The following PARD3 variants were observed in gnomAD, a reference collection of about 807,000 sequenced individuals.
PARD3 encodes partitioning defective 3 homolog.
A neutral mutation model predicts 155.4 loss-of-function variants in PARD3; 75 were observed. The observed-to-expected ratio is 0.48, with a 90% CI of 0.40 to 0.58. The LOEUF (loss-of-function observed/expected upper bound fraction) is 0.58, where lower values mean the gene tolerates loss of function less well. Ranked by LOEUF, PARD3 falls within the 20% of genes least tolerant of loss-of-function variation. The probability of loss-of-function intolerance (pLI) is 0.00; values close to 1 mark genes in which losing one functional copy is unlikely to be tolerated. For synonymous variants in PARD3, 576 were observed against 610.5 expected, an observed-to-expected ratio of 0.94 and a Z score of 0.83; for missense variants, 1,642 against 1,721.7, an observed-to-expected ratio of 0.95 and a Z score of 0.82.
intron 2 of PARD3, among the ~76,000 whole-genome samples, chr10:34,624,919 G>A (rs1027628013): frequency 1.3e-5 from 2 of 152,218 alleles, no homozygotes; most frequent in South Asian, 2.1e-4. Flanking sequence ...CAGGCCAGGG[G>A]TATGGGTCAC....
At chr10:34,299,128 TG>T (rs1957041165) in intron 20 of PARD3, among the ~76,000 whole-genome samples, 2 of 152,226 alleles carry the variant, frequency 1.3e-5, no homozygotes, top group Admixed American at 1.3e-4. Flanking sequence ...TTTGTCAGGA[TG>T]GCACCCTCAA....
intron 3 of PARD3, among the ~76,000 whole-genome samples, chr10:34,483,934 C>T (rs554679425): frequency 5.0e-4 from 76 of 152,238 alleles, no homozygotes; most frequent in Non-Finnish European, 8.7e-4. Context: ...ATTAAACTCA[C>T]GGCTAACAGG....
chr10:34,188,415 T>C (rs1412985358), intron 22 of PARD3, among the ~76,000 whole-genome samples: 1 of 152,118 alleles, frequency 6.6e-6, no homozygotes, highest in Non-Finnish European at 1.5e-5. Context: ...AAACAAACGT[T>C]TTTTACTTAT....
chr10:34,814,284 C>G (rs1055157111), intron 1 of PARD3, among the ~76,000 whole-genome samples: 37 of 152,176 alleles, frequency 2.4e-4, no homozygotes, highest in African/African-American at 8.9e-4. Flanking sequence ...CTGCAGCCCC[C>G]GGACGCGACG....
At chr10:34,372,627 G>A in intron 11 of PARD3, 91 bp from the exon 12 acceptor site, 3 of 943,208 alleles carry the variant, frequency 3.2e-6, no homozygotes, top group Non-Finnish European at 5.1e-6. Context: ...AGAAAATTTT[G>A]TTGATTCTTA....
chr10:34,803,176 T>C (rs1351020950), intron 1 of PARD3, among the ~76,000 whole-genome samples: 1 of 151,140 alleles, frequency 6.6e-6, no homozygotes, highest in African/African-American at 2.4e-5. Context: ...GAGACGGACG[T>C]TGCAGTGAGC....
At chr10:34,632,278 T>C (rs963060779) in intron 2 of PARD3, among the ~76,000 whole-genome samples, 2 of 152,166 alleles carry the variant, frequency 1.3e-5, no homozygotes, top group African/African-American at 4.8e-5. Flanking sequence ...ACCTCAGCAG[T>C]GGACTCCCTG....
At chr10:34,654,484 T>C (rs2093110142) in intron 2 of PARD3, among the ~76,000 whole-genome samples, 1 of 152,218 alleles carries the variant, frequency 6.6e-6, no homozygotes. Flanking sequence ...ACTGCCTGCC[T>C]TTCTATGGAA....
At chr10:34,768,343 G>GAAAGGCAGGATAACTCGAAGC (rs1564599274) in intron 1 of PARD3, among the ~76,000 whole-genome samples, 11 of 88,504 alleles carry the variant, frequency 1.2e-4, no homozygotes, top group African/African-American at 4.9e-4. Flanking sequence ...GTTCCATCTG[G>GAAAGGCAGGATAACTCGAAGC]AAAGGCGGGA....
intron 1 of PARD3, among the ~76,000 whole-genome samples, chr10:34,775,536 T>C (rs1289745576): frequency 6.6e-6 from 1 of 151,860 alleles, no homozygotes; most frequent in Non-Finnish European, 1.5e-5. Flanking sequence ...AAAGGACAAG[T>C]CTCCTTACAG....
At chr10:34,782,780 G>A (rs1292602637) in intron 1 of PARD3, among the ~76,000 whole-genome samples, 1 of 150,968 alleles carries the variant, frequency 6.6e-6, no homozygotes, top group Non-Finnish European at 1.5e-5. Flanking sequence ...AGGCTAGAGT[G>A]TAGTGGCGTG....
chr10:34,113,695 G>A (rs1946516496), intron 24 of PARD3, among the ~76,000 whole-genome samples: 1 of 152,150 alleles, frequency 6.6e-6, no homozygotes, highest in African/African-American at 2.4e-5. Flanking sequence ...AGCTGGGCAA[G>A]GTGGGAGTGG....
At chr10:34,416,664 T>C (rs1020642836) in intron 5 of PARD3, among the ~76,000 whole-genome samples, 3 of 152,180 alleles carry the variant, frequency 2.0e-5, no homozygotes, top group South Asian at 2.1e-4. Context: ...AATGAAAACC[T>C]AGCCAGACAC....
intron 20 of PARD3, among the ~76,000 whole-genome samples, chr10:34,307,504 G>A (rs189266004): frequency 1.3e-5 from 2 of 152,308 alleles, no homozygotes; most frequent in Admixed American, 1.3e-4. Context: ...TGTGGGCAGG[G>A]CCTGGGATTC....
chr10:34,431,639 C>T (rs928941089), intron 5 of PARD3, among the ~76,000 whole-genome samples: 1 of 148,098 alleles, frequency 6.8e-6, no homozygotes, highest in African/African-American at 2.5e-5. Context: ...ACTTGGGAGG[C>T]TGAGGCAACA....
intron 22 of PARD3, among the ~76,000 whole-genome samples, chr10:34,178,327 A>G (rs1950124982): frequency 6.6e-6 from 1 of 152,244 alleles, no homozygotes; most frequent in Admixed American, 6.5e-5. Flanking sequence ...GCAACAAAAG[A>G]AAAGATGAAT....
At chr10:34,374,728 T>C in intron 11 of PARD3, 146 bp downstream of exon 11, 1 of 763,408 alleles carries the variant, frequency 1.3e-6, no homozygotes, top group East Asian at 2.5e-5. Flanking sequence ...GAGAAAAGAA[T>C]GTTTGTATTC....
intron 2 of PARD3, among the ~76,000 whole-genome samples, chr10:34,628,740 T>C (rs1047760273): frequency 6.6e-6 from 1 of 152,164 alleles, no homozygotes; most frequent in African/African-American, 2.4e-5. Context: ...GATACACCTG[T>C]GTTTGGAGCA....
At chr10:34,647,771 A>C (rs1466736989) in intron 2 of PARD3, among the ~76,000 whole-genome samples, 1 of 152,214 alleles carries the variant, frequency 6.6e-6, no homozygotes, top group Non-Finnish European at 1.5e-5. Flanking sequence ...GCTAAGGCCT[A>C]TTTGAGAGAA....
Sources: allele counts gnomAD v4.1 joint callset (sites outside exome capture counted in the v4.1 genomes callset), GRCh38; gene constraint gnomAD v4.1.1; transcripts MANE v1.5; gene names NCBI Gene and HGNC (gene_info 2026-07-23, HGNC 2026-07-21).